APOL4: variants seen among roughly 807,000 people sequenced by gnomAD.
The protein encoded by APOL4 is apolipoprotein L, 4.
In APOL4, 14 loss-of-function variants were observed where a neutral mutation model predicts 12.1. The ratio of observed to expected loss-of-function variants is 1.16; its 90% CI spans 0.76 to 1.81. The LOEUF is 1.81. APOL4 is among the 40% of genes most tolerant of loss of function. APOL4 has a pLI of 0.00. For missense variants in APOL4, 432 were observed against 423.1 expected (o/e 1.02, Z -0.18); for synonymous variants, 171 against 160.6 (o/e 1.06, Z -0.49).
chr22:36,203,838 C>T (rs2014655902), upstream of APOL4, among the ~76,000 whole-genome samples: 2 of 152,248 alleles, frequency 1.3e-5, no homozygotes. Context: ...TGTCTTTACA[C>T]AATCCTGCAT....
At position 36,190,740 on chromosome 22, in the gene APOL4, T is replaced by C. The variant is rs1399707050; in HGVS notation, c.*335A>G. 4.3e-6 allele frequency: 1 copy of C among 233,346 alleles called. No individual in the cohort carries two copies. Among genetic ancestry groups the C allele is most frequent in the Non-Finnish European group, 8.4e-6 (1 of 118,590 alleles). 14.5% of individuals were successfully genotyped at this position (233,346 alleles called of 1,614,324 possible). A position where few individuals can be genotyped will look rare whatever the true frequency, so the allele number is the denominator to read the frequency against. On this transcript the variant is annotated 3_prime_UTR_variant, in exon 4 of 4. Coordinates refer to ENST00000683024, the MANE Select transcript of APOL4 (RefSeq NM_001386885.1). ...TTTTCAAGGTGCCCAGATTTCATATTGTTCAAACACACATGCTCTACAATT... is the reference window on the plus strand; with the variant it reads ...TTTTCAAGGTGCCCAGATTTCATATCGTTCAAACACACATGCTCTACAATT...
upstream of APOL4, chr22:36,202,044 C>A (rs200055263): frequency 2.5e-6 from 4 of 1,613,890 alleles, no homozygotes; most frequent in Middle Eastern, 1.6e-4. Context: ...CATGTCGCTG[C>A]GGGGCCTCCT....
intron 1 of APOL4, chr22:36,201,483 A>AG (rs132724): frequency 0.48 from 446,558 of 924,920 alleles, 109,750 homozygotes; most frequent in East Asian, 0.92. Flanking sequence ...CCTGGGCAGC[A>AG]TTCACCAGGG....
At chr22:36,193,707 C>G (rs895921749) in intron 3 of APOL4, among the ~76,000 whole-genome samples, 2 of 152,238 alleles carry the variant, frequency 1.3e-5, no homozygotes, top group African/African-American at 4.8e-5. Flanking sequence ...AACACAACCT[C>G]AGACTAGAAG....
At chr22:36,197,866 C>G (rs1250167717) in intron 2 of APOL4, 1 of 1,532,294 alleles carries the variant, frequency 6.5e-7, no homozygotes. Context: ...TGGCTAAGAC[C>G]AGTAAGATCT....
chr22:36,198,560 T>C (rs908818984), intron 2 of APOL4, among the ~76,000 whole-genome samples: 19 of 152,178 alleles, frequency 1.2e-4, no homozygotes, highest in Admixed American at 1.1e-3. Flanking sequence ...CAGTGCAGGG[T>C]GGGTGCCCTA....
At chr22:36,203,163 G>A (rs147926330), upstream of APOL4, among the ~76,000 whole-genome samples, 5 of 152,322 alleles carry the variant, frequency 3.3e-5, no homozygotes, top group East Asian at 9.6e-4. Flanking sequence ...GATCTGGCCA[G>A]CAGCCCCCAG....
upstream of APOL4, chr22:36,204,613 C>T (rs963429844): frequency 3.6e-6 from 2 of 553,074 alleles, no homozygotes; most frequent in African/African-American, 4.0e-5. Context: ...GGAGGTCACA[C>T]CATCCCCAAC....
Position 36,191,744 on chromosome 22 carries a change from A to G in APOL4, c.378T>C (p.Ile126=). ...IQESIERLRV[I]ANEIEKVHRG... is the part of the protein sequence containing the mutation. ...TGTGGACCTTTTCAATCTCATTTGC[A>G]ATGACACGAAGCCTTTCTATGGACT... Residue 126 remains isoleucine (I), a synonymous_variant, in exon 4 of 4, where the codon ATT becomes ATC. Coordinates refer to ENST00000683024, the MANE Select transcript of APOL4 (RefSeq NM_001386885.1). The G allele has an allele frequency of 6.2e-7, 1 of 1,614,034 alleles. No homozygotes were observed. The highest frequency in any genetic ancestry group is 1.3e-5 in the African/African-American group (1 of 75,038).
chr22:36,201,470 A>T (rs1603478640), intron 1 of APOL4: 9 of 894,494 alleles, frequency 1.0e-5, no homozygotes, highest in African/African-American at 2.2e-5. Flanking sequence ...AGGGGGACCC[A>T]GTCCTGGGCA....
In APOL4 at chr22:36,199,364, G is replaced by A. The variant is rs775342040; in HGVS notation, c.48C>T (p.Asn16=). The A allele has an allele frequency of 3.1e-6, 5 of 1,613,976 alleles. No individual in the cohort carries two copies. In the African/African-American group the frequency reaches 5.3e-5, roughly 17 times the overall value. ...GTCCAGCCACTGTCCAGCCTGGATG[G>A]TTTTGCTGCACCCTTGAGGAAGAGA... The part of the protein sequence containing the change: ...QLITSVGVQQ[N]HPGWTVAGQF... Residue 16 remains asparagine (N), a synonymous_variant, in exon 2 of 4, where the codon AAC becomes AAT. Transcript: ENST00000683024.
At position 36,195,292 on chromosome 22, in the gene APOL4, G is replaced by C. The variant is rs755900170; in HGVS notation, c.209+19C>G. On this transcript the variant is annotated intron_variant, in intron 3 of 3. Transcript: ENST00000683024. ...GGCATCACCGGGGTGCCCCAAGGAG[G>C]TAACCCCATGGAGGTTACCTGGGCA... 1 of 1,611,762 alleles carries C rather than the reference G, an allele frequency of 6.2e-7. No homozygotes were observed. Among genetic ancestry groups the C allele is most frequent in the Non-Finnish European group, 8.5e-7 (1 of 1,178,738 alleles).
chr22:36,202,588 T>A (rs1369987063), upstream of APOL4, among the ~76,000 whole-genome samples: 1 of 151,944 alleles, frequency 6.6e-6, no homozygotes, highest in Non-Finnish European at 1.5e-5. Context: ...TAGCCGAGTG[T>A]AGTGGCGGGC....
chr22:36,195,776 TCA>T (rs577893547), intron 2 of APOL4, among the ~76,000 whole-genome samples: 6,835 of 95,728 alleles, frequency 0.071, 176 homozygotes, highest in Middle Eastern at 0.16. Context: ...TCTCTCTCTC[TCA>T]CACACACACA....
chr22:36,201,825 G>T, upstream of APOL4: 1 of 1,572,736 alleles, frequency 6.4e-7, no homozygotes, highest in Non-Finnish European at 8.6e-7. Flanking sequence ...CCTCAACTAG[G>T]ACACAGTGCG....
chr22:36,193,312 A>G (rs1430974292), intron 3 of APOL4, among the ~76,000 whole-genome samples: 1 of 152,162 alleles, frequency 6.6e-6, no homozygotes, highest in East Asian at 1.9e-4. Context: ...CCCTGTAACA[A>G]CAATCCTGAA....
chr22:36,196,026 C>G lies in APOL4; in HGVS notation c.83-589G>C, dbSNP rs574158441. On this transcript the variant is annotated intron_variant, in intron 2 of 3. Coordinates refer to ENST00000683024, the MANE Select transcript of APOL4 (RefSeq NM_001386885.1). The stretch of plus-strand genomic sequence containing the variant: ...AGAGTGATTCACCAGGGAAGTGCCA[C>G]GATGCTTTGTGGAGGAACCAATCTA... 2.6e-5 allele frequency among the ~76,000 whole-genome samples: 4 copies of G among 152,296 alleles called. No individual in the cohort carries two copies. In the East Asian group the frequency reaches 7.7e-4, roughly 29 times the overall value.
intron 2 of APOL4, among the ~76,000 whole-genome samples, chr22:36,198,999 C>A (rs533253949): frequency 6.6e-6 from 1 of 152,224 alleles, no homozygotes; most frequent in Non-Finnish European, 1.5e-5. Context: ...CCTGGCCAAC[C>A]CTCAAAAGCC....
At chr22:36,204,692 C>CGGTTG, upstream of APOL4, 1 of 522,346 alleles carries the variant, frequency 1.9e-6, no homozygotes, top group Non-Finnish European at 3.1e-6. Context: ...TGGATCTCAC[C>CGGTTG]TCCAGCTGTG....
Sources: allele counts gnomAD v4.1 joint callset (sites outside exome capture counted in the v4.1 genomes callset), GRCh38; gene constraint gnomAD v4.1.1; transcripts MANE v1.5; gene names NCBI Gene and HGNC (gene_info 2026-07-23, HGNC 2026-07-21).